LYPD4: variants seen among roughly 807,000 people sequenced by gnomAD.
The protein encoded by LYPD4 is LY6/PLAUR domain containing 4, also known as ly6/PLAUR domain-containing protein 4.
In LYPD4, 20 loss-of-function variants were observed where a neutral mutation model predicts 18.2. The observed-to-expected ratio is 1.10, with a 90% CI of 0.77 to 1.59. The LOEUF is 1.59. LYPD4 is among the 40% of genes most tolerant of loss of function. The probability of loss-of-function intolerance (pLI) is 0.00; values close to 1 mark genes in which losing one functional copy is unlikely to be tolerated. For synonymous variants in LYPD4, 111 were observed against 118.3 expected (o/e 0.94, Z 0.40); for missense variants, 278 against 300.3 (o/e 0.93, Z 0.55).
At chr19:41,836,196 C>T (rs1555830251), downstream of LYPD4, among the ~76,000 whole-genome samples, 1 of 145,320 alleles carries the variant, frequency 6.9e-6, no homozygotes, top group Non-Finnish European at 1.5e-5. Context: ...TCACACTGTT[C>T]TCCTTTCCTA....
In LYPD4 at chr19:41,839,039, C is replaced by T. The variant is rs781988926; in HGVS notation, c.68-15G>A. The T allele has an allele frequency of 5.0e-6, 8 of 1,612,674 alleles. No individual in the cohort carries two copies. Among genetic ancestry groups the T allele is most frequent in the South Asian group, 3.3e-5 (3 of 91,040 alleles). On this transcript the variant is annotated splice_polypyrimidine_tract_variant and intron_variant, in intron 2 of 4. Transcript: ENST00000609812. ...AGCTCCAGCCCCTAAAAAGAGAATG[C>T]TCTCCCAGTCATTGGCCCCTCATAT...
chr19:41,837,000 C>T, downstream of LYPD4: 2 of 1,449,340 alleles, frequency 1.4e-6, no homozygotes, highest in South Asian at 2.8e-5. Context: ...CCTGGGTCCC[C>T]ACCTCCCTGG....
chr19:41,837,388 C>G, intron 4 of LYPD4, 43 bp from the exon 5 acceptor site: 1 of 1,608,670 alleles, frequency 6.2e-7, no homozygotes. Flanking sequence ...TTTCAAGACT[C>G]AAGAGCCCTG....
chr19:41,836,365 ATC>A (rs1555830324), downstream of LYPD4, among the ~76,000 whole-genome samples: 1 of 146,976 alleles, frequency 6.8e-6, no homozygotes, highest in Non-Finnish European at 1.5e-5. Context: ...AAGTCTCCAA[ATC>A]TCTCAATGAA....
intron 1 of LYPD4, among the ~76,000 whole-genome samples, chr19:41,840,266 A>G (rs1044957995): frequency 2.0e-5 from 3 of 152,098 alleles, no homozygotes; most frequent in African/African-American, 7.2e-5. Flanking sequence ...ATCTCTACAA[A>G]AAATACAAAA....
intron 3 of LYPD4, among the ~76,000 whole-genome samples, chr19:41,838,602 A>G (rs2073459347): frequency 6.6e-6 from 1 of 152,092 alleles, no homozygotes; most frequent in Non-Finnish European, 1.5e-5. Context: ...CATTATCCAG[A>G]TATAAATGAT....
chr19:41,840,330 G>A (rs892211930), intron 1 of LYPD4, among the ~76,000 whole-genome samples: 7 of 152,232 alleles, frequency 4.6e-5, no homozygotes, highest in Middle Eastern at 3.4e-3. Context: ...GGGAGGCTGA[G>A]GTGGGAGGAC....
chr19:41,840,809 G>A (rs1051637570), intron 1 of LYPD4, among the ~76,000 whole-genome samples: 16 of 149,660 alleles, frequency 1.1e-4, no homozygotes, highest in Non-Finnish European at 1.5e-4. Context: ...CAGCCTGGAC[G>A]ACAGAGCGAA....
downstream of LYPD4, chr19:41,835,320 T>G (rs566679608): frequency 7.2e-5 from 11 of 152,360 alleles, no homozygotes; most frequent in East Asian, 9.6e-4. Flanking sequence ...TTGTTACATA[T>G]AATCCTTTGT....
intron 1 of LYPD4, among the ~76,000 whole-genome samples, chr19:41,842,533 G>A (rs8104959): frequency 1.8e-3 from 277 of 151,244 alleles, no homozygotes; most frequent in African/African-American, 6.5e-3. Flanking sequence ...TGAGGTGGGC[G>A]GATCACCTGA....
chr19:41,838,746 A>AT lies in LYPD4; in HGVS notation c.211+134_211+135insA, dbSNP rs1325896730. The AT allele has an allele frequency of 8.4e-5, 39 of 464,620 alleles. 1 individual carries two copies. In the East Asian group the frequency reaches 2.2e-3, roughly 26 times the overall value. The allele number at this position is 464,620 out of a possible 1,614,324, so 28.8% of individuals were successfully genotyped here. The stretch of plus-strand genomic sequence containing the variant: ...CTCCCCATCTCAAAAAAAATTAAAA[A>AT]AAATATATATACATATATATATATA... On this transcript the variant is annotated intron_variant, in intron 3 of 4. Coordinates refer to ENST00000609812, the MANE Select transcript of LYPD4 (RefSeq NM_173506.7).
intron 1 of LYPD4, among the ~76,000 whole-genome samples, chr19:41,843,078 C>CAAAAAAACAAAAAAAAAAAAAAAA (rs2073693023): frequency 1.1e-4 from 1 of 9,110 alleles, no homozygotes; most frequent in Non-Finnish European, 2.0e-4. Context: ...AAAAAAAAAA[C>CAAAAAAACAAAAAAAAAAAAAAAA]CCCAACAACA....
At position 41,837,292 on chromosome 19, in the gene LYPD4, G is replaced by A. The variant is rs782818391; in HGVS notation, c.592C>T (p.Leu198Phe). The change falls in exon 5 of 5, where the codon CTT becomes TTT. Residue 198 changes from leucine (L) to phenylalanine (F), a missense_variant. Physicochemically the swap from Leu to Phe is conservative, Grantham distance 22 (BLOSUM62 0). Coordinates refer to ENST00000609812, the MANE Select transcript of LYPD4 (RefSeq NM_173506.7). ...LMGCAREHNQ[L>F]LADFHHIGSI... ...CCAATATGATGAAAATCTGCTAAAA[G>A]CTGGTTATGTTCACGAGCACACCCC... 6 of 1,613,940 alleles carry A rather than the reference G, an allele frequency of 3.7e-6. No individual in the cohort carries two copies. The Admixed American group carries it at 8.3e-5, about 22-fold the overall frequency.
downstream of LYPD4, among the ~76,000 whole-genome samples, chr19:41,836,326 A>AAAAAAAAAAAAAAAG: frequency 7.5e-6 from 1 of 133,582 alleles, no homozygotes; most frequent in Non-Finnish European, 1.6e-5. Context: ...AAAAAAAAAA[A>AAAAAAAAAAAAAAAG]ACAACTACTG....
chr19:41,838,042 G>A lies in LYPD4; in HGVS notation c.431C>T (p.Thr144Ile), dbSNP rs781843597. 9 of 1,614,012 alleles carry A rather than the reference G, an allele frequency of 5.6e-6. No homozygotes were observed. Among genetic ancestry groups the A allele is most frequent in the Non-Finnish European group, 6.8e-6 (8 of 1,180,020 alleles). The change falls in exon 4 of 5, where the codon ACC (threonine) becomes ATC (isoleucine). Residue 144 changes from threonine to isoleucine, a missense_variant. Coordinates refer to ENST00000609812, the MANE Select transcript of LYPD4 (RefSeq NM_173506.7). ...ATCCTTCATGTGCTCGCCCACACAG[G>A]TCGGGCAGCTACAGGACGCAGATGT... ...SITSASCSCP[T>I]CVGEHMKDCL...
downstream of LYPD4, among the ~76,000 whole-genome samples, chr19:41,836,695 A>C (rs12976571): frequency 6.6e-6 from 1 of 151,154 alleles, no homozygotes; most frequent in African/African-American, 2.4e-5. Context: ...CAAAGATTCG[A>C]GACCAGACCG....
At position 41,837,967 on chromosome 19, in the gene LYPD4, G is replaced by T. The variant is rs369563100; in HGVS notation, c.506C>A (p.Thr169Lys). ...AAATTTTAAGGTGGAACTGTAACACGTAGAAGCAGCCAAGGGGCAAGAATT... is the reference window on the plus strand; with the variant it reads ...AAATTTTAAGGTGGAACTGTAACACTTAGAAGCAGCCAAGGGGCAAGAATT... Reference protein sequence around the residue: ...TTNSCPLAASTCYSSTLKFQA... With the variant: ...TTNSCPLAASKCYSSTLKFQA... The change falls in exon 4 of 5, where the codon ACG becomes AAG. Residue 169 changes from threonine (T) to lysine (K), a missense_variant. Physicochemically the swap from Thr to Lys is moderately conservative, Grantham distance 78 (BLOSUM62 -1). Transcript: ENST00000609812. The T allele has an allele frequency of 1.7e-5, 27 of 1,613,070 alleles. No homozygotes were observed. The South Asian group carries it at 2.6e-4, about 16-fold the overall frequency.
In LYPD4 at chr19:41,844,112, GA is replaced by G. The variant is rs2073753546; in HGVS notation, c.-656del. On this transcript the variant is annotated 5_prime_UTR_variant, in exon 1 of 5. Coordinates refer to ENST00000609812, the MANE Select transcript of LYPD4 (RefSeq NM_173506.7). ...AGGAGTCGATTTTAGAGGGGGAGAAGAAAAGGACACAGAGCTGGCTGTACAG... is the reference window on the plus strand; with the variant it reads ...AGGAGTCGATTTTAGAGGGGGAGAAGAAAGGACACAGAGCTGGCTGTACAG... The G allele has an allele frequency of 6.6e-6, 1 of 152,424 alleles. No individual in the cohort carries two copies. Among genetic ancestry groups the G allele is most frequent in the Non-Finnish European group, 1.5e-5 (1 of 68,256 alleles). The allele number at this position is 152,424 out of a possible 1,614,324, so 9.4% of individuals were successfully genotyped here.
At chr19:41,839,998 G>A (rs764542264) in intron 1 of LYPD4, among the ~76,000 whole-genome samples, 7 of 151,148 alleles carry the variant, frequency 4.6e-5, no homozygotes, top group Admixed American at 2.0e-4. Flanking sequence ...GCAGTGAACC[G>A]AGATCGCGCC....
Sources: gnomAD v4.1 joint callset for allele counts (sites outside exome capture counted in the v4.1 genomes callset) on GRCh38, gnomAD v4.1.1 for gene constraint, MANE v1.5 for transcripts, NCBI Gene and HGNC (gene_info 2026-07-23, HGNC 2026-07-21) for gene names.